Variants in MMP3 observed in about 807,000 individuals in gnomAD.
MMP3 encodes stromelysin-1.
Under a neutral mutation model 47.3 loss-of-function variants are expected in MMP3, and 46 were observed. That is an observed-to-expected ratio of 0.97 (90% CI 0.77 to 1.24). The LOEUF (loss-of-function observed/expected upper bound fraction) is 1.24, where lower values mean the gene tolerates loss of function less well. Among genes scored for constraint, MMP3 ranks in the 50% most tolerant of loss-of-function variants. The pLI is 0.00. For synonymous variants in MMP3, 216 were observed against 206.5 expected, an observed-to-expected ratio of 1.05 and a Z score of -0.39; for missense variants, 558 against 565.5, an observed-to-expected ratio of 0.99 and a Z score of 0.13.
Position 102,843,529 on chromosome 11 carries a change from G to T in MMP3, c.18C>A (p.Ile6=). 2 of 1,613,306 alleles carry T rather than the reference G, an allele frequency of 1.2e-6. No individual in the cohort carries two copies. Among genetic ancestry groups the T allele is most frequent in the Non-Finnish European group, 8.5e-7 (1 of 1,179,642 alleles). MKSLP[I]LLLLCVAVCS... ...AAACTGCCACGCACAGCAACAGTAG[G>T]ATTGGAAGACTCTTCATTTCCACTG... The change falls in exon 1 of 10, where the codon ATC becomes ATA. Residue 6 remains isoleucine, a synonymous_variant. Transcript: ENST00000299855.
rs1858877479 is a variant in MMP3 at position 102,836,184 on chromosome 11, T to C, written c.1376A>G (p.Asp459Gly). The change falls in exon 10 of 10, where the codon GAC becomes GGC. Residue 459 changes from aspartate (D) to glycine (G), a missense_variant. Coordinates refer to ENST00000299855, the MANE Select transcript of MMP3 (RefSeq NM_002422.5). This position sits in a 1 kb window ranked among gnomAD's most constrained non-coding sequence, Gnocchi z 4.6. ...GTGTGTCACTTTCTTTGCATTTGGG[T>C]CAAACTCCAACTGTGAAGATCCAGT... is the stretch of plus-strand genomic sequence containing the variant. ...FFTGSSQLEF[D>G]PNAKKVTHTL... The C allele has an allele frequency of 3.7e-6, 6 of 1,613,954 alleles. No individual in the cohort carries two copies. Among genetic ancestry groups the C allele is most frequent in the Non-Finnish European group, 5.1e-6 (6 of 1,179,900 alleles).
Position 102,838,578 on chromosome 11 carries a change from T to C in MMP3, c.1202A>G (p.Tyr401Cys). 1 of 1,613,706 alleles carries C rather than the reference T, an allele frequency of 6.2e-7. No individual in the cohort carries two copies. Among genetic ancestry groups the C allele is most frequent in the Non-Finnish European group, 8.5e-7 (1 of 1,179,896 alleles). The change falls in exon 8 of 10, where the codon TAT becomes TGT. Residue 401 changes from tyrosine (Y) to cysteine (C), a missense_variant. Physicochemically the swap from Tyr to Cys is radical, Grantham distance 194 (BLOSUM62 -2). Coordinates refer to ENST00000299855, the MANE Select transcript of MMP3 (RefSeq NM_002422.5). Reference protein sequence around the residue: ...AISDKEKNKTYFFVEDKYWRF... With the variant: ...AISDKEKNKTCFFVEDKYWRF... ...CCAGTATTTGTCCTCTACAAAGAAA[T>C]ATGTTTTGTTCTTTTCCTTATCAGA... is the stretch of plus-strand genomic sequence containing the variant.
At chr11:102,841,522 T>G (rs1443712144) in intron 4 of MMP3, among the ~76,000 whole-genome samples, 1 of 152,170 alleles carries the variant, frequency 6.6e-6, no homozygotes, top group Non-Finnish European at 1.5e-5. Flanking sequence ...TTTTTAGAAG[T>G]AGTGTTAATT....
In MMP3 at chr11:102,836,516, G is replaced by A. The variant is rs1256768646; in HGVS notation, c.1334-290C>T. On this transcript the variant is annotated intron_variant, in intron 9 of 9. Transcript: ENST00000299855. The surrounding 1 kb of genome is among the most constrained non-coding windows in gnomAD (Gnocchi z 4.6). ...CAAGGAAGAATGGAGACAGCACTCG[G>A]TGCCAGCTCTGTCTGAAAACACAGC... The A allele has an allele frequency of 2.3e-5, 12 of 525,456 alleles. No individual in the cohort carries two copies. Among genetic ancestry groups the A allele is most frequent in the Non-Finnish European group, 4.2e-5 (11 of 263,116 alleles). 32.5% of individuals were successfully genotyped at this position (525,456 alleles called of 1,614,324 possible).
chr11:102,840,113 T>C lies in MMP3; in HGVS notation c.930A>G (p.Lys310=). 1 of 1,612,096 alleles carries C rather than the reference T, an allele frequency of 6.2e-7. No individual in the cohort carries two copies. Among genetic ancestry groups the C allele is most frequent in the Non-Finnish European group, 8.5e-7 (1 of 1,179,384 alleles). The change falls in exon 6 of 10, where the codon AAA becomes AAG. Residue 310 remains lysine (K), a synonymous_variant. Transcript: ENST00000299855. ...ATATAATTTTTCAGCCTGACCTGTC[T>C]TTAAAGATCAGGATTTCTCCCCTCA... ...STLRGEILIF[K]DRHFWRKSLR...
At chr11:102,842,966 GCTAT>G in intron 1 of MMP3, 50 bp from the exon 2 acceptor site, 1 of 1,441,828 alleles carries the variant, frequency 6.9e-7, no homozygotes, top group South Asian at 1.4e-5. Context: ...TTTTACTATA[GCTAT>G]CTATTTATAG....
rs1433100016 is a variant in MMP3 at position 102,842,555 on chromosome 11, C to T, written c.375G>A (p.Leu125=). ...TYRIVNYTPD[L]PKDAVDSAVE... ...CAGCAGAATCAACAGCATCTTTTGG[C>T]AAATCTGGTGTATAATTCACAATCC... is the stretch of plus-strand genomic sequence containing the variant. The change falls in exon 3 of 10, where the codon TTG becomes TTA. Residue 125 remains leucine (L), a synonymous_variant. Coordinates refer to ENST00000299855, the MANE Select transcript of MMP3 (RefSeq NM_002422.5). The T allele has an allele frequency of 1.2e-6, 2 of 1,613,452 alleles. No individual in the cohort carries two copies. The highest frequency in any genetic ancestry group is 1.7e-5 in the Admixed American group (1 of 59,920).
At chr11:102,838,010 A>G (rs1252832600) in intron 8 of MMP3, among the ~76,000 whole-genome samples, 1 of 152,180 alleles carries the variant, frequency 6.6e-6, no homozygotes, top group Non-Finnish European at 1.5e-5. Flanking sequence ...CATCTCTTAA[A>G]TGAGCCATCA....
At chr11:102,839,046 T>A in intron 7 of MMP3, 64 bp downstream of exon 7, 1 of 1,547,426 alleles carries the variant, frequency 6.5e-7, no homozygotes, top group South Asian at 1.2e-5. Context: ...AATTAAAGTG[T>A]TGTTCAATTT....
In MMP3 at chr11:102,837,231, C is replaced by G; in HGVS notation, c.1333+67G>C. The G allele has an allele frequency of 3.2e-6, 4 of 1,236,028 alleles. No individual in the cohort carries two copies. Among genetic ancestry groups the G allele is most frequent in the Non-Finnish European group, 4.7e-6 (4 of 851,210 alleles). The allele number at this position is 1,236,028 out of a possible 1,614,324, so 76.6% of individuals were successfully genotyped here. On this transcript the variant is annotated intron_variant, in intron 9 of 9. Transcript: ENST00000299855. The surrounding 1 kb of genome is among the most constrained non-coding windows in gnomAD (Gnocchi z 4.4). ...CTTGTTATTAAAAAGTTTCAATGCT[C>G]CTCTTCCCTCTGATATCATAAAATG...
chr11:102,842,969 A>G (rs985594857), intron 1 of MMP3, 53 bp from the exon 2 acceptor site: 3 of 1,435,734 alleles, frequency 2.1e-6, no homozygotes, highest in Admixed American at 2.4e-5. Flanking sequence ...TACTATAGCT[A>G]TCTATTTATA....
Position 102,840,476 on chromosome 11 carries a change from C to T in MMP3, c.743G>A (p.Arg248Gln), listed in dbSNP as rs781869389. Reference sequence around the variant, plus strand: ...TATATCATCTTGAGACAGGCGGAACCGAGTCAGGTCTGTGAGTGAGTGATA... The same window carrying T: ...TATATCATCTTGAGACAGGCGGAACTGAGTCAGGTCTGTGAGTGAGTGATA... ...PLYHSLTDLT[R>Q]FRLSQDDING... Residue 248 changes from arginine (R) to glutamine (Q), a missense_variant, in exon 5 of 10, where the codon CGG becomes CAG. Transcript: ENST00000299855. 26 of 1,613,850 alleles carry T rather than the reference C, an allele frequency of 1.6e-5. No individual in the cohort carries two copies. The highest frequency in any genetic ancestry group is 9.4e-5 in the African/African-American group (7 of 74,858).
chr11:102,839,280 C>G (rs782098806), intron 6 of MMP3, 37 bp from the exon 7 acceptor site: 4 of 1,611,354 alleles, frequency 2.5e-6, no homozygotes, highest in Non-Finnish European at 2.5e-6. Context: ...AATTGAAAAA[C>G]AATCTTTCAC....
Position 102,840,573 on chromosome 11 carries a change from C to G in MMP3, c.646G>C (p.Ala216Pro). Residue 216 changes from alanine to proline, a missense_variant, in exon 5 of 10, where the codon GCT becomes CCT. Transcript: ENST00000299855. ...AGGGAGTGGCCAATTTCATGAGCAGCAACGAGAAATAAATTGGTCCCTATT... is the reference window on the plus strand; with the variant it reads ...AGGGAGTGGCCAATTTCATGAGCAGGAACGAGAAATAAATTGGTCCCTATT... Reference protein sequence around the residue: ...DTTGTNLFLVAAHEIGHSLGL... With the variant: ...DTTGTNLFLVPAHEIGHSLGL... 2 of 1,612,834 alleles carry G rather than the reference C, an allele frequency of 1.2e-6. No homozygotes were observed. The highest frequency in any genetic ancestry group is 1.7e-6 in the Non-Finnish European group (2 of 1,179,696).
At chr11:102,839,837 A>G (rs1253948422) in intron 6 of MMP3, among the ~76,000 whole-genome samples, 6 of 152,200 alleles carry the variant, frequency 3.9e-5, no homozygotes, top group Admixed American at 2.0e-4. Context: ...TATTCGAAAG[A>G]TCTACTCATG....
chr11:102,842,625 A>C (rs782425820), intron 2 of MMP3, 46 bp from the exon 3 acceptor site: 23 of 1,613,090 alleles, frequency 1.4e-5, no homozygotes, highest in Middle Eastern at 1.6e-4. Flanking sequence ...CCTATGATAT[A>C]GTTTATAAAA....
chr11:102,838,211 G>A (rs1240015286), intron 8 of MMP3, among the ~76,000 whole-genome samples: 5 of 152,076 alleles, frequency 3.3e-5, no homozygotes, highest in Admixed American at 3.3e-4. Flanking sequence ...TTTCCCAATG[G>A]GTCTAAAGTC....
In MMP3 at chr11:102,837,303, T is replaced by G. The variant is rs1347820056; in HGVS notation, c.1328A>C (p.Glu443Ala). The change falls in exon 9 of 10, where the codon GAA becomes GCA. Residue 443 changes from glutamate to alanine, a missense_variant. Physicochemically the swap from Glu to Ala is moderately radical, Grantham distance 107 (BLOSUM62 -1). Transcript: ENST00000299855. This position sits in a 1 kb window ranked among gnomAD's most constrained non-coding sequence, Gnocchi z 4.4. The stretch of plus-strand genomic sequence containing the variant: ...CACAGTAAGTATCCTCTTACCAAAT[T>G]CTTCAAAAACAGCATCAATCTTTGA... ...IDSKIDAVFE[E>A]FGFFYFFTGS... The G allele has an allele frequency of 2.5e-6, 4 of 1,612,262 alleles. No homozygotes were observed. In the African/African-American group the frequency reaches 5.3e-5, roughly 22 times the overall value.
At position 102,837,737 on chromosome 11, in the gene MMP3, C is replaced by T. The variant is rs577515317; in HGVS notation, c.1230-336G>A. 7.9e-5 allele frequency among the ~76,000 whole-genome samples: 12 copies of T among 152,146 alleles called. No homozygotes were observed. The highest frequency in any genetic ancestry group is 6.5e-4 in the Admixed American group (10 of 15,294). On this transcript the variant is annotated intron_variant, in intron 8 of 9. Coordinates refer to ENST00000299855, the MANE Select transcript of MMP3 (RefSeq NM_002422.5). The surrounding 1 kb of genome is among the most constrained non-coding windows in gnomAD (Gnocchi z 4.4). ...ATATATATAAAGTGAATTGAATCAACATCTAAAATGCAATTTTAATTCCCT... is the reference window on the plus strand; with the variant it reads ...ATATATATAAAGTGAATTGAATCAATATCTAAAATGCAATTTTAATTCCCT...
Sources: allele counts gnomAD v4.1 joint callset (sites outside exome capture counted in the v4.1 genomes callset), GRCh38; gene constraint gnomAD v4.1.1; non-coding constraint Gnocchi (gnomAD v3.1); transcripts MANE v1.5; gene names NCBI Gene and HGNC (gene_info 2026-07-23, HGNC 2026-07-21).